The following GLRB variants were observed in gnomAD, a reference collection of about 807,000 sequenced individuals.
The protein encoded by GLRB is glycine receptor beta, also known as glycine receptor subunit beta.
GLRB carries 33 observed loss-of-function variants against 54.2 expected under a neutral mutation model. The ratio of observed to expected loss-of-function variants is 0.61; its 90% confidence interval spans 0.46 to 0.81. The LOEUF (loss-of-function observed/expected upper bound fraction) is 0.81. Ranked by LOEUF, GLRB falls within the 40% of genes least tolerant of loss-of-function variation. The pLI is 0.00. For missense variants in GLRB, 572 were observed against 584.6 expected (o/e 0.98, Z 0.22); for synonymous variants, 209 against 208.2 (o/e 1.00, Z -0.03).
At chr4:157,082,198 T>C (rs1374554457) in intron 2 of GLRB, among the ~76,000 whole-genome samples, 1 of 152,214 alleles carries the variant, frequency 6.6e-6, no homozygotes, top group African/African-American at 2.4e-5. Context: ...TCTGATTGTT[T>C]CATAATGACC....
chr4:157,127,664 A>C (rs189060462), intron 4 of GLRB, among the ~76,000 whole-genome samples: 9 of 151,984 alleles, frequency 5.9e-5, no homozygotes, highest in Admixed American at 4.6e-4. Flanking sequence ...AGAGACAGCA[A>C]GATCAGGGTC....
chr4:157,081,947 C>A (rs548639317), intron 2 of GLRB, among the ~76,000 whole-genome samples: 1 of 152,310 alleles, frequency 6.6e-6, no homozygotes, highest in East Asian at 1.9e-4. Context: ...CCCATCCCGA[C>A]CCCTGCCTCT....
intron 4 of GLRB, among the ~76,000 whole-genome samples, chr4:157,134,872 A>T (rs1195420379): frequency 6.7e-6 from 1 of 149,542 alleles, no homozygotes; most frequent in East Asian, 1.9e-4. Flanking sequence ...AATTGGTAGT[A>T]GAGTTAATGT....
At chr4:157,166,555 G>A (rs1560980177) in intron 9 of GLRB, among the ~76,000 whole-genome samples, 1 of 151,876 alleles carries the variant, frequency 6.6e-6, no homozygotes, top group Non-Finnish European at 1.5e-5. Context: ...CTTCTCATTA[G>A]GGAAACTAAT....
rs1203692119 is a variant in GLRB, at chr4:157,154,729, CT to C, written c.1197+1724del. On this transcript the variant is annotated intron_variant, in intron 9 of 9. Transcript: ENST00000264428. ...GGCATGAGCCACTGCACTTGGCCCT[CT>C]TTTTCCTTTTTTAATGTGGGTTACT... Among the ~76,000 whole-genome samples the C allele has an allele frequency of 2.0e-5, 3 of 152,076 alleles. 1 individual carries two copies. In the South Asian group the frequency reaches 6.2e-4, roughly 32 times the overall value.
chr4:157,148,819 T>C (rs1736911377), intron 8 of GLRB, among the ~76,000 whole-genome samples: 2 of 152,102 alleles, frequency 1.3e-5, no homozygotes, highest in African/African-American at 2.4e-5. Context: ...TCATTGTTTG[T>C]TGTGTTCTGT....
intron 2 of GLRB, among the ~76,000 whole-genome samples, chr4:157,107,426 G>A (rs1317126964): frequency 6.6e-6 from 1 of 152,096 alleles, no homozygotes; most frequent in Non-Finnish European, 1.5e-5. Context: ...GAAATTAAAA[G>A]TGCCATTCTC....
At chr4:157,151,516 C>T (rs1737020909) in intron 8 of GLRB, among the ~76,000 whole-genome samples, 2 of 152,036 alleles carry the variant, frequency 1.3e-5, no homozygotes, top group Non-Finnish European at 2.9e-5. Flanking sequence ...AAACTAGGAG[C>T]TTATCAAGTT....
At chr4:157,141,840 A>C (rs1401247379) in intron 7 of GLRB, among the ~76,000 whole-genome samples, 1 of 152,124 alleles carries the variant, frequency 6.6e-6, no homozygotes, top group Admixed American at 6.5e-5. Flanking sequence ...TAAAAGGGAC[A>C]CGATGGAAAC....
intron 9 of GLRB, among the ~76,000 whole-genome samples, chr4:157,167,718 G>A (rs1737764772): frequency 6.6e-6 from 1 of 152,116 alleles, no homozygotes; most frequent in Non-Finnish European, 1.5e-5. Context: ...CTGCTATAAA[G>A]GAAATACGTG....
At chr4:157,157,820 A>G (rs939048311) in intron 9 of GLRB, among the ~76,000 whole-genome samples, 1 of 152,212 alleles carries the variant, frequency 6.6e-6, no homozygotes, top group Non-Finnish European at 1.5e-5. Flanking sequence ...GTGTCTTTAT[A>G]GCAACATGAT....
rs190618994 is a variant in GLRB at position 157,154,479 on chromosome 4, G to A, written c.1197+1469G>A. ...TTTCACTCTTGTTGCCCAGGCTGGA[G>A]TGCAATGGCGTGATCTCGGCTCACC... On this transcript the variant is annotated intron_variant, in intron 9 of 9. Transcript: ENST00000264428. Among the ~76,000 whole-genome samples the A allele has an allele frequency of 1.3e-3, 182 of 136,756 alleles. 5 individuals are homozygous for A. In the East Asian group the frequency reaches 0.032, roughly 24 times the overall value. 89.7% of individuals were successfully genotyped at this position (136,756 alleles called of 152,430 possible). A position where few individuals can be genotyped will look rare whatever the true frequency, so the allele number is the denominator to read the frequency against.
At chr4:157,168,755 G>A (rs1219341992) in intron 9 of GLRB, among the ~76,000 whole-genome samples, 1 of 151,748 alleles carries the variant, frequency 6.6e-6, no homozygotes, top group Non-Finnish European at 1.5e-5. Flanking sequence ...TTACCCACTG[G>A]CATTTTACAA....
intron 8 of GLRB, among the ~76,000 whole-genome samples, chr4:157,150,518 A>C (rs528679139): frequency 5.3e-4 from 81 of 152,190 alleles, no homozygotes; most frequent in African/African-American, 1.9e-3. Context: ...TTCTGACACC[A>C]AAACATCTTT....
intron 9 of GLRB, among the ~76,000 whole-genome samples, chr4:157,159,402 C>T (rs1737376151): frequency 1.3e-5 from 2 of 152,104 alleles, no homozygotes; most frequent in Admixed American, 1.3e-4. Flanking sequence ...GCATCCCTGT[C>T]TTGTGCCAGT....
Position 157,136,635 on chromosome 4 carries a change from A to T in GLRB, c.464A>T (p.Asp155Val). The T allele has an allele frequency of 1.9e-6, 3 of 1,613,310 alleles. No homozygotes were observed. The highest frequency in any genetic ancestry group is 2.2e-5 in the East Asian group (1 of 44,848). Residue 155 changes from aspartate to valine, a missense_variant, in exon 5 of 10, where the codon GAT becomes GTT. Asp to Val is a radical substitution (Grantham distance 152). Coordinates refer to ENST00000264428, the MANE Select transcript of GLRB (RefSeq NM_000824.5). Reference protein sequence around the residue: ...FANEKSANFHDVTQENILLFI... With the variant: ...FANEKSANFHVVTQENILLFI... ...AATGAAAAAAGTGCCAATTTTCATG[A>T]TGTGACCCAGGAAAACATCCTCCTC...
chr4:157,085,651 C>T (rs992937113), intron 2 of GLRB, among the ~76,000 whole-genome samples: 1 of 151,982 alleles, frequency 6.6e-6, no homozygotes, highest in African/African-American at 2.4e-5. Context: ...TGCGTGCCAC[C>T]ACACCCTGCC....
intron 2 of GLRB, among the ~76,000 whole-genome samples, chr4:157,120,002 G>T (rs1452543059): frequency 6.6e-6 from 1 of 151,730 alleles, no homozygotes; most frequent in Non-Finnish European, 1.5e-5. Context: ...AACAATGATA[G>T]GCTGGATTAA....
At chr4:157,093,894 T>C (rs910395740) in intron 2 of GLRB, among the ~76,000 whole-genome samples, 13 of 152,158 alleles carry the variant, frequency 8.5e-5, no homozygotes, top group Admixed American at 3.9e-4. Flanking sequence ...TACAGGCATT[T>C]ACTTTCTCAT....
Sources: allele counts gnomAD v4.1 joint callset (sites outside exome capture counted in the v4.1 genomes callset), GRCh38; gene constraint gnomAD v4.1.1; transcripts MANE v1.5; gene names NCBI Gene and HGNC (gene_info 2026-07-23, HGNC 2026-07-21).